Variants in CSTPP1 observed in about 807,000 individuals in gnomAD.
CSTPP1 encodes UPF0705 protein C11orf49.
chr11:47,127,354 ACTAT>A, the CSTPP1 span, among the ~76,000 whole-genome samples: 2 of 152,248 alleles, frequency 1.3e-5, no homozygotes, highest in Non-Finnish European at 2.9e-5. Context: ...AGCCATCAGC[ACTAT>A]TAAAAGTGAG....
the CSTPP1 span, among the ~76,000 whole-genome samples, chr11:46,961,347 T>G: frequency 1.3e-5 from 2 of 152,196 alleles, no homozygotes; most frequent in Non-Finnish European, 2.9e-5. Flanking sequence ...CATGTGTTTT[T>G]GGCCAAGGGT....
the CSTPP1 span, among the ~76,000 whole-genome samples, chr11:47,012,397 AGGT>A: frequency 2.6e-5 from 4 of 152,274 alleles, no homozygotes; most frequent in South Asian, 2.1e-4. Flanking sequence ...AAAGAAAGAG[AGGT>A]GGTCTTTTAA....
chr11:47,116,722 C>T, the CSTPP1 span, among the ~76,000 whole-genome samples: 1 of 138,652 alleles, frequency 7.2e-6, no homozygotes, highest in Non-Finnish European at 1.5e-5. Flanking sequence ...CTCTGTCACG[C>T]AGGCTGGAGT....
the CSTPP1 span, among the ~76,000 whole-genome samples, chr11:47,076,508 TG>T: frequency 1.3e-5 from 2 of 152,084 alleles, no homozygotes; most frequent in African/African-American, 4.8e-5. Flanking sequence ...ACCAGAAATT[TG>T]GGGGAAGTCT....
the CSTPP1 span, among the ~76,000 whole-genome samples, chr11:46,990,691 G>T: frequency 1.3e-5 from 2 of 152,162 alleles, no homozygotes; most frequent in Non-Finnish European, 2.9e-5. Context: ...ACTTGGCCAA[G>T]AATTATTTGC....
the CSTPP1 span, among the ~76,000 whole-genome samples, chr11:47,002,066 T>G: frequency 6.6e-6 from 1 of 152,072 alleles, no homozygotes; most frequent in Non-Finnish European, 1.5e-5. Flanking sequence ...GGGTAATGCT[T>G]CCCCCTTTAC....
At chr11:47,059,232 T>C in the CSTPP1 span, among the ~76,000 whole-genome samples, 1 of 152,134 alleles carries the variant, frequency 6.6e-6, no homozygotes, top group East Asian at 1.9e-4. Context: ...AGAGGGCAGG[T>C]CAATAGTTGC....
chr11:47,107,323 A>T, the CSTPP1 span, among the ~76,000 whole-genome samples: 3 of 152,160 alleles, frequency 2.0e-5, no homozygotes, highest in Admixed American at 1.3e-4. Flanking sequence ...GGAACGATTG[A>T]GTCCTTTCAT....
the CSTPP1 span, among the ~76,000 whole-genome samples, chr11:47,046,450 C>T: frequency 6.6e-6 from 1 of 151,806 alleles, no homozygotes; most frequent in Non-Finnish European, 1.5e-5. Flanking sequence ...AAGATTTAGT[C>T]TATTAGGAAT....
At chr11:47,096,334 A>G in the CSTPP1 span, among the ~76,000 whole-genome samples, 3 of 152,314 alleles carry the variant, frequency 2.0e-5, no homozygotes, top group Non-Finnish European at 4.4e-5. Context: ...CCATTAAACA[A>G]TAACTCCTCA....
At chr11:47,043,272 G>A in the CSTPP1 span, among the ~76,000 whole-genome samples, 5 of 152,162 alleles carry the variant, frequency 3.3e-5, no homozygotes, top group Non-Finnish European at 7.3e-5. Context: ...AGCCAGGTGC[G>A]GTGGTGCACA....
the CSTPP1 span, among the ~76,000 whole-genome samples, chr11:47,090,039 T>C: frequency 4.6e-5 from 7 of 152,196 alleles, no homozygotes; most frequent in Non-Finnish European, 7.3e-5. Flanking sequence ...TGGAGTGCAA[T>C]GGTGGGATCT....
chr11:46,986,477 T>C, the CSTPP1 span, among the ~76,000 whole-genome samples: 1 of 151,816 alleles, frequency 6.6e-6, no homozygotes, highest in Non-Finnish European at 1.5e-5. Flanking sequence ...TTTTCTGTTC[T>C]GAAATGAAGT....
the CSTPP1 span, among the ~76,000 whole-genome samples, chr11:47,092,179 A>G: frequency 6.6e-6 from 1 of 152,238 alleles, no homozygotes; most frequent in African/African-American, 2.4e-5. Context: ...GATAAAGTCT[A>G]AAAAAGAGGT....
At chr11:46,987,599 T>C in the CSTPP1 span, 2 of 275,322 alleles carry the variant, frequency 7.3e-6, no homozygotes, top group Non-Finnish European at 1.4e-5. Flanking sequence ...TTCTCCTTTA[T>C]TCAAAATATT....
At chr11:47,129,249 C>T in the CSTPP1 span, among the ~76,000 whole-genome samples, 10 of 152,242 alleles carry the variant, frequency 6.6e-5, no homozygotes, top group African/African-American at 1.7e-4. Flanking sequence ...TGCATGAGCA[C>T]GTGAGTGGTG....
chr11:46,941,645 A>C, the CSTPP1 span, among the ~76,000 whole-genome samples: 126,331 of 152,172 alleles, frequency 0.83, 57,598 homozygotes, highest in East Asian at 1. Context: ...TGGCCAACCT[A>C]TTCACCCTCA....
chr11:47,068,705 A>C, the CSTPP1 span, among the ~76,000 whole-genome samples: 184 of 152,232 alleles, frequency 1.2e-3, 1 homozygote, highest in Admixed American at 5.2e-4. Context: ...TTAGTATCTT[A>C]ACACTTAAAG....
At chr11:47,019,997 A>G in the CSTPP1 span, among the ~76,000 whole-genome samples, 1 of 152,240 alleles carries the variant, frequency 6.6e-6, no homozygotes, top group Non-Finnish European at 1.5e-5. Flanking sequence ...AGATTATTAA[A>G]TAATATGACA....
Sources: gnomAD v4.1 joint callset for allele counts (sites outside exome capture counted in the v4.1 genomes callset) on GRCh38, gnomAD v4.1.1 for gene constraint, MANE v1.5 for transcripts, NCBI Gene and HGNC (gene_info 2026-07-23, HGNC 2026-07-21) for gene names.